Variants in SDHA observed in about 807,000 individuals in gnomAD.
The protein encoded by SDHA is succinate dehydrogenase [ubiquinone] flavoprotein subunit, mitochondrial.
In SDHA, 48 loss-of-function variants were observed where a neutral mutation model predicts 78.4. The ratio of observed to expected loss-of-function variants is 0.61; its 90% confidence interval spans 0.49 to 0.78. The LOEUF (loss-of-function observed/expected upper bound fraction) is 0.78, where lower values mean the gene tolerates loss of function less well. Ranked by LOEUF, SDHA falls within the 30% of genes least tolerant of loss-of-function variation. The probability of loss-of-function intolerance (pLI) is 0.00; values close to 1 mark genes in which losing one functional copy is unlikely to be tolerated. For synonymous variants in SDHA, 326 were observed against 353.9 expected (o/e 0.92, Z 0.88); for missense variants, 680 against 892.7 (o/e 0.76, Z 3.04).
intron 3 of SDHA, 68 bp from the exon 4 acceptor site, chr5:225,351 G>A: frequency 6.2e-7 from 1 of 1,607,706 alleles, no homozygotes. Flanking sequence ...CCAGCGGGTG[G>A]ATTTGGGCCT....
intron 9 of SDHA, 125 bp downstream of exon 9, chr5:235,464 T>A (rs947625922): frequency 3.2e-6 from 3 of 947,584 alleles, no homozygotes; most frequent in Non-Finnish European, 5.0e-6. Flanking sequence ...TACTGTATTG[T>A]TTTCTAGATT....
downstream of SDHA, among the ~76,000 whole-genome samples, chr5:261,842 G>C (rs1247045381): frequency 4.5e-4 from 4 of 8,800 alleles, no homozygotes; most frequent in East Asian, 9.6e-4. Flanking sequence ...CCTCCCGTCA[G>C]AGCATTACCG....
intron 1 of SDHA, among the ~76,000 whole-genome samples, chr5:222,032 G>T (rs926806576): frequency 3.3e-5 from 5 of 150,504 alleles, no homozygotes; most frequent in Non-Finnish European, 7.4e-5. Flanking sequence ...ATGTTAATAG[G>T]GCACTTTACA....
intron 6 of SDHA, among the ~76,000 whole-genome samples, chr5:229,163 T>C (rs1410562631): frequency 2.0e-5 from 3 of 152,146 alleles, no homozygotes; most frequent in Admixed American, 1.3e-4. Context: ...CTGTGTGCTG[T>C]TGGTGGGAAT....
At chr5:226,107 T>C (rs6555056) in intron 5 of SDHA, 60 bp downstream of exon 5, 226,671 of 1,582,084 alleles carry the variant, frequency 0.14, 22,789 homozygotes, top group African/African-American at 0.53. Flanking sequence ...ATGGTGACAG[T>C]GGGGAATGGG....
chr5:221,842 A>G (rs1455506245), intron 1 of SDHA, among the ~76,000 whole-genome samples: 1 of 151,852 alleles, frequency 6.6e-6, no homozygotes, highest in Non-Finnish European at 1.5e-5. Flanking sequence ...TGGCGTGATA[A>G]TTTGTTCAAG....
At chr5:224,802 C>G (rs928681063) in intron 3 of SDHA, 2 of 487,934 alleles carry the variant, frequency 4.1e-6, no homozygotes, top group Admixed American at 3.3e-5. Flanking sequence ...CCCCGCCACC[C>G]CAACACCTTA....
At chr5:262,941 TGTTTTTTTTCTTGGTAGAGACAGA>T in the SDHA span, among the ~76,000 whole-genome samples, 1 of 150,878 alleles carries the variant, frequency 6.6e-6, no homozygotes, top group Non-Finnish European at 1.5e-5. Context: ...ATTAATTTTT[TGTTTTTTTTCTTGGTAGAGACAGA>T]GTCTTGCCAT....
At chr5:264,790 T>A in the SDHA span, among the ~76,000 whole-genome samples, 1 of 152,212 alleles carries the variant, frequency 6.6e-6, no homozygotes, top group South Asian at 2.1e-4. Flanking sequence ...TAAAGACAAA[T>A]AGAGCCACTG....
chr5:225,378 G>T lies in SDHA; in HGVS notation c.313-41G>T, dbSNP rs191318615. Reference sequence around the variant, plus strand: ...TTTGGGCCTGGAAGACAAAGTTGGCGCTCCTGTTTGTGGCTTGTAAGGAGT... The same window carrying T: ...TTTGGGCCTGGAAGACAAAGTTGGCTCTCCTGTTTGTGGCTTGTAAGGAGT... On this transcript the variant is annotated intron_variant, in intron 3 of 14. Coordinates refer to ENST00000264932, the MANE Select transcript of SDHA (RefSeq NM_004168.4). The T allele has an allele frequency of 4.3e-6, 7 of 1,611,868 alleles. No homozygotes were observed. The South Asian group carries it at 6.6e-5, about 15-fold the overall frequency.
intron 7 of SDHA, among the ~76,000 whole-genome samples, chr5:231,476 C>T (rs1735391370): frequency 6.6e-6 from 1 of 150,726 alleles, no homozygotes; most frequent in African/African-American, 2.4e-5. Flanking sequence ...GGGAGGAATG[C>T]TTGAACCTGG....
At chr5:249,444 G>T (rs111597250) in intron 11 of SDHA, 3 of 162,118 alleles carry the variant, frequency 1.9e-5, no homozygotes. Context: ...GAAGGTTGTC[G>T]GTTTACTGGA....
intron 11 of SDHA, chr5:249,273 G>A (rs562435727): frequency 1.1e-4 from 27 of 246,968 alleles, no homozygotes; most frequent in East Asian, 6.3e-4. Context: ...GTAGCTCACC[G>A]TAACAAAGCT....
chr5:252,281 C>T lies in SDHA; in HGVS notation c.1794+813C>T, dbSNP rs111404652. Among the ~76,000 whole-genome samples the T allele has an allele frequency of 7.6e-5, 4 of 52,522 alleles. 1 individual carries two copies. The Admixed American group carries it at 8.1e-4, about 11-fold the overall frequency. 34.5% of individuals were successfully genotyped at this position (52,522 alleles called of 152,430 possible). On this transcript the variant is annotated intron_variant, in intron 13 of 14. Transcript: ENST00000264932. ...AAGCCTGCCCTGTGGAGGAAATGCC[C>T]GTTTATTAAATAACGAGTAAGCCAC...
At chr5:240,716 C>G (rs1736084927) in intron 11 of SDHA, among the ~76,000 whole-genome samples, 1 of 152,052 alleles carries the variant, frequency 6.6e-6, no homozygotes, top group African/African-American at 2.4e-5. Flanking sequence ...CTCTGCTACT[C>G]CACTCCATGT....
intron 10 of SDHA, 24 bp from the exon 11 acceptor site, chr5:240,334 A>T: frequency 6.7e-7 from 1 of 1,487,338 alleles, no homozygotes; most frequent in Non-Finnish European, 9.4e-7. Context: ...TCAAAAGTTA[A>T]ATTCTAGCTT....
intron 13 of SDHA, among the ~76,000 whole-genome samples, chr5:253,882 G>A (rs10065584): frequency 0.13 from 19,642 of 152,042 alleles, 1,339 homozygotes; most frequent in Admixed American, 0.17. Flanking sequence ...GCAACATGGC[G>A]AAACGTGTCT....
chr5:239,773 A>ATT lies in SDHA; in HGVS notation c.1433-572_1433-571dup, dbSNP rs113918084. Among the ~76,000 whole-genome samples the ATT allele has an allele frequency of 1.2e-3, 166 of 144,254 alleles. 1 individual carries two copies. Among genetic ancestry groups the ATT allele is most frequent in the African/African-American group, 3.6e-3 (141 of 39,150 alleles). 94.6% of individuals were successfully genotyped at this position (144,254 alleles called of 152,430 possible). A position where few individuals can be genotyped will look rare whatever the true frequency, so the allele number is the denominator to read the frequency against. On this transcript the variant is annotated intron_variant, in intron 10 of 14. Coordinates refer to ENST00000264932, the MANE Select transcript of SDHA (RefSeq NM_004168.4). Reference sequence around the variant, plus strand: ...ATATATATAAATTTGTATACATTTAATTTTTTTTTTTTTTAAGACAGGGTC... The same window carrying ATT: ...ATATATATAAATTTGTATACATTTAATTTTTTTTTTTTTTTTAAGACAGGGTC...
In SDHA at chr5:226,282, C is replaced by CATACTTTCTGGTCA. The variant is rs1560988201; in HGVS notation, c.621+235_621+236insATACTTTCTGGTCA. Among the ~76,000 whole-genome samples, 1,217 of 152,218 alleles carry CATACTTTCTGGTCA rather than the reference C, an allele frequency of 8.0e-3. 25 individuals are homozygous for CATACTTTCTGGTCA. The highest frequency in any genetic ancestry group is 0.028 in the African/African-American group (1,167 of 41,524). ...TTGCATCTATGTCAGAAAGTTGAAT[C>CATACTTTCTGGTCA]GATAATCTTACATACCAGGTTTTAA... On this transcript the variant is annotated intron_variant, in intron 5 of 14. Coordinates refer to ENST00000264932, the MANE Select transcript of SDHA (RefSeq NM_004168.4).
Sources: allele counts gnomAD v4.1 joint callset (sites outside exome capture counted in the v4.1 genomes callset), GRCh38; gene constraint gnomAD v4.1.1; transcripts MANE v1.5; gene names NCBI Gene and HGNC (gene_info 2026-07-23, HGNC 2026-07-21).